The following LRP1B variants were observed in gnomAD, a reference collection of about 807,000 sequenced individuals.
LRP1B encodes the protein LDL receptor related protein 1B.
Under a neutral mutation model 556.6 loss-of-function variants are expected in LRP1B, and 217 were observed. That is an observed-to-expected ratio of 0.39 (90% CI 0.35 to 0.44). The LOEUF is 0.44. LRP1B is among the 20% of genes least tolerant of loss of function. The pLI is 1.00. For missense variants in LRP1B, 5,053 were observed against 5,620.8 expected (o/e 0.90, Z 3.23); for synonymous variants, 2,047 against 1,865.8 (o/e 1.10, Z -2.50).
intron 2 of LRP1B, among the ~76,000 whole-genome samples, chr2:141,508,082 T>TTCC (rs750745601): frequency 2.4e-5 from 1 of 41,180 alleles, no homozygotes; most frequent in Non-Finnish European, 5.9e-5. Flanking sequence ...GGAGACTCCA[T>TTCC]CCCCCCCCCA....
intron 2 of LRP1B, among the ~76,000 whole-genome samples, chr2:141,569,312 A>T (rs76633056): frequency 1.3e-5 from 2 of 151,056 alleles, no homozygotes; most frequent in African/African-American, 2.4e-5. Context: ...GAAGAGGAGG[A>T]TTTTAAGCAG....
intron 1 of LRP1B, among the ~76,000 whole-genome samples, chr2:141,933,497 C>T (rs947882344): frequency 4.6e-5 from 7 of 152,000 alleles, no homozygotes; most frequent in Non-Finnish European, 1.0e-4. Context: ...ATGAGGAAAC[C>T]ACTTGACTCT....
intron 1 of LRP1B, among the ~76,000 whole-genome samples, chr2:142,055,152 G>C (rs1186647114): frequency 6.6e-6 from 1 of 152,026 alleles, no homozygotes; most frequent in African/African-American, 2.4e-5. Context: ...TAAGGGTCTA[G>C]AGGCAAACAG....
At chr2:141,458,073 T>C (rs891170086) in intron 3 of LRP1B, among the ~76,000 whole-genome samples, 2 of 152,212 alleles carry the variant, frequency 1.3e-5, no homozygotes, top group African/African-American at 4.8e-5. Flanking sequence ...TTTGTTTTTT[T>C]CTTCCTTCAG....
In LRP1B at chr2:141,840,799, G is replaced by A. The variant is rs536487389; in HGVS notation, c.83-30398C>T. Among the ~76,000 whole-genome samples, 5 of 152,234 alleles carry A rather than the reference G, an allele frequency of 3.3e-5. 1 individual carries two copies. Among genetic ancestry groups the A allele is most frequent in the African/African-American group, 1.2e-4 (5 of 41,554 alleles). ...ATATATACCTCTCAGCGGAGGTAACGAAATGTTTCAGAATAATTGTTATAC... is the reference window on the plus strand; with the variant it reads ...ATATATACCTCTCAGCGGAGGTAACAAAATGTTTCAGAATAATTGTTATAC... On this transcript the variant is annotated intron_variant, in intron 1 of 90. Transcript: ENST00000389484.
rs2105199480 is a variant in LRP1B at position 140,601,615 on chromosome 2, G to A, written c.6824C>T (p.Ala2275Val). The A allele has an allele frequency of 6.3e-7, 1 of 1,598,034 alleles. No individual in the cohort carries two copies. Among genetic ancestry groups the A allele is most frequent in the Non-Finnish European group, 8.5e-7 (1 of 1,170,236 alleles). Residue 2275 changes from alanine to valine, a missense_variant, in exon 42 of 91, where the codon GCC becomes GTC. Transcript: ENST00000389484. ...VENVGSVEGL[A>V]YHRAWDTLYW... is the part of the protein sequence containing the mutation. ...CAGTGTATCCCAGGCTCTGTGATAG[G>A]CAAGTCCTTCCACAGAACCCACATC...
chr2:141,229,554 A>T, intron 5 of LRP1B, 114 bp from the exon 6 acceptor site: 1 of 807,096 alleles, frequency 1.2e-6, no homozygotes, highest in South Asian at 1.9e-5. Context: ...CATAACAAAA[A>T]TTTTCTTATA....
At chr2:141,996,629 G>T (rs1320190142) in intron 1 of LRP1B, among the ~76,000 whole-genome samples, 1 of 152,044 alleles carries the variant, frequency 6.6e-6, no homozygotes, top group Admixed American at 6.5e-5. Context: ...CTATGACATA[G>T]CAGTTCTCAA....
chr2:141,349,602 T>A (rs1305591665), intron 3 of LRP1B, among the ~76,000 whole-genome samples: 1 of 152,120 alleles, frequency 6.6e-6, no homozygotes, highest in East Asian at 1.9e-4. Flanking sequence ...CATATTCTCA[T>A]GCAAGACAAG....
chr2:140,512,104 T>C (rs1689689396), intron 51 of LRP1B, among the ~76,000 whole-genome samples: 1 of 152,200 alleles, frequency 6.6e-6, no homozygotes, highest in Non-Finnish European at 1.5e-5. Context: ...CTCAAGGCAG[T>C]CATAATAGAA....
chr2:141,608,135 A>AAT (rs1240036280), intron 2 of LRP1B, among the ~76,000 whole-genome samples: 1 of 152,096 alleles, frequency 6.6e-6, no homozygotes, highest in Non-Finnish European at 1.5e-5. Context: ...GAGGCAGGAG[A>AAT]ATCGCTTGAA....
chr2:141,918,068 T>C (rs2104966804), intron 1 of LRP1B, among the ~76,000 whole-genome samples: 1 of 152,156 alleles, frequency 6.6e-6, no homozygotes, highest in Middle Eastern at 3.4e-3. Flanking sequence ...AATAACTGAA[T>C]TACATACAGT....
intron 2 of LRP1B, among the ~76,000 whole-genome samples, chr2:141,771,653 A>G (rs1315776500): frequency 6.6e-6 from 1 of 152,174 alleles, no homozygotes; most frequent in Non-Finnish European, 1.5e-5. Flanking sequence ...TGTCCCCTCA[A>G]CAGTCATATG....
At chr2:141,910,317 C>T (rs961158498) in intron 1 of LRP1B, among the ~76,000 whole-genome samples, 2 of 152,012 alleles carry the variant, frequency 1.3e-5, no homozygotes, top group Non-Finnish European at 2.9e-5. Context: ...AGTTAATGTA[C>T]TGCCAAACTG....
At chr2:141,691,612 C>T (rs1360825218) in intron 2 of LRP1B, among the ~76,000 whole-genome samples, 1 of 151,936 alleles carries the variant, frequency 6.6e-6, no homozygotes, top group Non-Finnish European at 1.5e-5. Context: ...TTCTATACTG[C>T]ATGATAATAA....
intron 3 of LRP1B, among the ~76,000 whole-genome samples, chr2:141,370,636 G>C (rs571723809): frequency 6.6e-6 from 1 of 152,222 alleles, no homozygotes; most frequent in South Asian, 2.1e-4. Flanking sequence ...TTGCTGTGCA[G>C]AAGCTTTTTT....
At chr2:140,982,035 G>T in intron 18 of LRP1B, 125 bp downstream of exon 18, 2 of 652,384 alleles carry the variant, frequency 3.1e-6, no homozygotes, top group South Asian at 4.6e-5. Flanking sequence ...TAACAAAAAT[G>T]CCATATCTTC....
intron 35 of LRP1B, among the ~76,000 whole-genome samples, chr2:140,735,525 T>C (rs1573640675): frequency 6.6e-6 from 1 of 152,040 alleles, no homozygotes; most frequent in African/African-American, 2.4e-5. Flanking sequence ...AGGTCGGCAA[T>C]GCTAAAACCA....
intron 2 of LRP1B, among the ~76,000 whole-genome samples, chr2:141,559,738 G>A (rs1686079176): frequency 6.6e-6 from 1 of 151,540 alleles, no homozygotes; most frequent in South Asian, 2.1e-4. Flanking sequence ...AAAAGTAATT[G>A]AAAATTGAGG....
Sources: gnomAD v4.1 joint callset for allele counts (sites outside exome capture counted in the v4.1 genomes callset) on GRCh38, gnomAD v4.1.1 for gene constraint, MANE v1.5 for transcripts, NCBI Gene and HGNC (gene_info 2026-07-23, HGNC 2026-07-21) for gene names.